Variants in USH2A observed in about 807,000 individuals in gnomAD.
USH2A encodes Usher syndrome 2A (autosomal recessive, mild).
Under a neutral mutation model 538.9 loss-of-function variants are expected in USH2A, and 443 were observed. The observed-to-expected ratio is 0.82, with a 90% CI of 0.76 to 0.89. The LOEUF (loss-of-function observed/expected upper bound fraction) is 0.89, where lower values mean the gene tolerates loss of function less well. USH2A is among the 40% of genes least tolerant of loss of function. The pLI, the probability that USH2A is intolerant of heterozygous loss-of-function variation, is 0.00. For missense variants in USH2A, 6,633 were observed against 6,324.8 expected (o/e 1.05, Z -1.65); for synonymous variants, 2,413 against 2,273.5 (o/e 1.06, Z -1.75).
chr1:216,248,411 G>A (rs1451113022), intron 12 of USH2A, among the ~76,000 whole-genome samples: 2 of 151,936 alleles, frequency 1.3e-5, no homozygotes, highest in African/African-American at 4.8e-5. Flanking sequence ...TGCATGGGTT[G>A]AATCAACTGA....
intron 35 of USH2A, among the ~76,000 whole-genome samples, chr1:215,972,663 T>C (rs1667524656): frequency 3.3e-5 from 5 of 152,192 alleles, no homozygotes; most frequent in Admixed American, 3.3e-4. Flanking sequence ...GCCACTGCTG[T>C]GATTCATTTT....
At chr1:215,851,477 T>C (rs998994502) in intron 44 of USH2A, among the ~76,000 whole-genome samples, 1 of 152,028 alleles carries the variant, frequency 6.6e-6, no homozygotes, top group African/African-American at 2.4e-5. Flanking sequence ...ACAACTCTCC[T>C]AGATTAAACC....
chr1:216,400,606 A>T (rs1172519395), intron 3 of USH2A, among the ~76,000 whole-genome samples: 1 of 152,146 alleles, frequency 6.6e-6, no homozygotes, highest in Non-Finnish European at 1.5e-5. Context: ...ATACAATAGG[A>T]TAAAACCAAG....
chr1:216,291,917 A>AAAAAC (rs905566535), intron 10 of USH2A, among the ~76,000 whole-genome samples: 13 of 152,282 alleles, frequency 8.5e-5, no homozygotes, highest in Middle Eastern at 3.4e-3. Flanking sequence ...GAACTCTTTA[A>AAAAAC]AAAACAAAAC....
chr1:216,223,942 A>G (rs545071523), intron 14 of USH2A, among the ~76,000 whole-genome samples: 1 of 152,282 alleles, frequency 6.6e-6, no homozygotes, highest in East Asian at 1.9e-4. Context: ...AACCAAAAAT[A>G]ATCTGGGCAT....
intron 11 of USH2A, among the ~76,000 whole-genome samples, chr1:216,263,512 A>T (rs901925716): frequency 6.6e-5 from 10 of 152,186 alleles, no homozygotes; most frequent in African/African-American, 2.2e-4. Flanking sequence ...CAACAGAATG[A>T]AGGACAAACC....
chr1:216,141,883 T>G (rs1408973225), intron 21 of USH2A, among the ~76,000 whole-genome samples: 1 of 151,662 alleles, frequency 6.6e-6, no homozygotes, highest in Non-Finnish European at 1.5e-5. Flanking sequence ...AACACCTACA[T>G]TAGACTAGCA....
intron 13 of USH2A, among the ~76,000 whole-genome samples, chr1:216,242,371 A>G (rs1572084259): frequency 1.4e-5 from 2 of 138,626 alleles, no homozygotes; most frequent in South Asian, 4.4e-4. Context: ...AAAAAAAAAG[A>G]AAAAAAAAAT....
At chr1:215,940,760 T>C (rs1331646305) in intron 37 of USH2A, among the ~76,000 whole-genome samples, 1 of 152,166 alleles carries the variant, frequency 6.6e-6, no homozygotes, top group African/African-American at 2.4e-5. Flanking sequence ...GTAATAGTGA[T>C]TTTAATTAGT....
chr1:216,055,006 C>A (rs140071765), intron 30 of USH2A, among the ~76,000 whole-genome samples: 105 of 152,266 alleles, frequency 6.9e-4, no homozygotes, highest in African/African-American at 2.4e-3. Flanking sequence ...AAATGCACTC[C>A]AACAATCCAA....
At chr1:215,863,210 T>C (rs1362964572) in intron 44 of USH2A, among the ~76,000 whole-genome samples, 1 of 152,148 alleles carries the variant, frequency 6.6e-6, no homozygotes, top group Non-Finnish European at 1.5e-5. Context: ...TGATAACTAA[T>C]GACTTTAAGA....
At chr1:216,123,450 A>G (rs1256468806) in intron 21 of USH2A, among the ~76,000 whole-genome samples, 1 of 152,180 alleles carries the variant, frequency 6.6e-6, no homozygotes, top group African/African-American at 2.4e-5. Context: ...TCAGTTTCCT[A>G]AGCATTTCCA....
At chr1:215,873,652 T>C (rs1664678616) in intron 43 of USH2A, among the ~76,000 whole-genome samples, 1 of 152,156 alleles carries the variant, frequency 6.6e-6, no homozygotes, top group Non-Finnish European at 1.5e-5. Flanking sequence ...ATTTATGATA[T>C]ATTTAGCTTA....
At chr1:215,676,086 C>T (rs1658014958) in intron 62 of USH2A, among the ~76,000 whole-genome samples, 1 of 152,044 alleles carries the variant, frequency 6.6e-6, no homozygotes, top group Admixed American at 6.5e-5. Flanking sequence ...TTACAGAGTG[C>T]CAGGGCTGAA....
At chr1:216,280,668 C>T (rs368122792) in intron 11 of USH2A, among the ~76,000 whole-genome samples, 26 of 151,314 alleles carry the variant, frequency 1.7e-4, no homozygotes, top group African/African-American at 5.3e-4. Flanking sequence ...TTACTTTATG[C>T]CCCTCTCAAG....
At chr1:216,222,150 T>C (rs1558326291) in intron 14 of USH2A, among the ~76,000 whole-genome samples, 2 of 152,140 alleles carry the variant, frequency 1.3e-5, no homozygotes, top group East Asian at 3.9e-4. Flanking sequence ...GATTCTATTA[T>C]GCTTAGTGAG....
chr1:216,355,328 AAAGAAAGAAAG>A (rs1558051821), intron 4 of USH2A, among the ~76,000 whole-genome samples: 2 of 109,966 alleles, frequency 1.8e-5, no homozygotes, highest in African/African-American at 3.0e-5. Flanking sequence ...AGAAAGAAAG[AAAGAAAGAAAG>A]AAAGAAAGAA....
chr1:215,864,882 C>G (rs1042858368), intron 44 of USH2A, among the ~76,000 whole-genome samples: 5 of 152,046 alleles, frequency 3.3e-5, no homozygotes, highest in Non-Finnish European at 5.9e-5. Context: ...TTACCAGAAA[C>G]ATTTTGCTAC....
At chr1:216,255,945 G>A (rs116436104) in intron 11 of USH2A, among the ~76,000 whole-genome samples, 3,985 of 152,064 alleles carry the variant, frequency 0.026, 167 homozygotes, top group African/African-American at 0.086. Context: ...ATGTCCTATT[G>A]ACAAAATGAC....
Sources: gnomAD v4.1 joint callset for allele counts (sites outside exome capture counted in the v4.1 genomes callset) on GRCh38, gnomAD v4.1.1 for gene constraint, MANE v1.5 for transcripts, NCBI Gene and HGNC (gene_info 2026-07-23, HGNC 2026-07-21) for gene names.